The following SDCBP2 variants were observed in gnomAD, a reference collection of about 807,000 sequenced individuals.
The protein encoded by SDCBP2 is syntenin-2.
Under a neutral mutation model 30.7 loss-of-function variants are expected in SDCBP2, and 28 were observed. The ratio of observed to expected loss-of-function variants is 0.91; its 90% CI spans 0.68 to 1.25. The LOEUF (loss-of-function observed/expected upper bound fraction) is 1.25, where lower values mean the gene tolerates loss of function less well. SDCBP2 is among the 50% of genes most tolerant of loss of function. The pLI is 0.00. For synonymous variants in SDCBP2, 166 were observed against 157.3 expected, an observed-to-expected ratio of 1.06 and a Z score of -0.41; for missense variants, 399 against 379.0, an observed-to-expected ratio of 1.05 and a Z score of -0.44.
intron 7 of SDCBP2, 22 bp from the exon 8 acceptor site, chr20:1,310,913 G>C: frequency 6.3e-7 from 1 of 1,589,954 alleles, no homozygotes; most frequent in African/African-American, 1.3e-5. Flanking sequence ...GCAAGTAAGC[G>C]ATCACCCTAA....
At chr20:1,315,419 C>T (rs6041353) in intron 4 of SDCBP2, among the ~76,000 whole-genome samples, 63,593 of 151,718 alleles carry the variant, frequency 0.42, 14,218 homozygotes, top group East Asian at 0.63. Flanking sequence ...GTCCCAGATA[C>T]GCAGGAGGCT....
chr20:1,319,988 G>T (rs2088830957), intron 2 of SDCBP2, among the ~76,000 whole-genome samples: 1 of 152,204 alleles, frequency 6.6e-6, no homozygotes, highest in African/African-American at 2.4e-5. Flanking sequence ...GAACCACAGA[G>T]TGCTGGGATG....
intron 7 of SDCBP2, among the ~76,000 whole-genome samples, chr20:1,312,003 A>G (rs1284599725): frequency 1.3e-5 from 2 of 149,486 alleles, no homozygotes; most frequent in African/African-American, 5.0e-5. Flanking sequence ...AGGCTCAATT[A>G]GTCCTCCCAC....
rs1050850844 is a variant in SDCBP2 at position 1,313,729 on chromosome 20, G to A, written c.226-231C>T. The stretch of plus-strand genomic sequence containing the variant: ...AAAGCCAGGAAAACGGGGAGGGAAG[G>A]GGCGAGGATACAGGAAGAGGCCCTT... On this transcript the variant is annotated intron_variant, in intron 4 of 8. Coordinates refer to ENST00000360779, the MANE Select transcript of SDCBP2 (RefSeq NM_080489.5). This position sits in a 1 kb window ranked among gnomAD's most constrained non-coding sequence, Gnocchi z 5.2. 2 of 1,202,780 alleles carry A rather than the reference G, an allele frequency of 1.7e-6. No individual in the cohort carries two copies. Among genetic ancestry groups the A allele is most frequent in the Non-Finnish European group, 2.2e-6 (2 of 928,570 alleles). The allele number at this position is 1,202,780 out of a possible 1,614,324, so 74.5% of individuals were successfully genotyped here. A position where few individuals can be genotyped will look rare whatever the true frequency, so the allele number is the denominator to read the frequency against.
At chr20:1,317,908 T>A (rs769331027) in intron 4 of SDCBP2, 1 of 343,180 alleles carries the variant, frequency 2.9e-6, no homozygotes, top group Non-Finnish European at 5.7e-6. Flanking sequence ...CCCGAAGCCA[T>A]GGAAAGCAGG....
rs117212620 is a variant in SDCBP2, at chr20:1,322,635, G to A, written c.-19-2200C>T. On this transcript the variant is annotated intron_variant, in intron 1 of 8. Transcript: ENST00000360779. The stretch of plus-strand genomic sequence containing the variant: ...TGCCAAAGCTGGAGTACAGTGGCGC[G>A]ATCTTGGCTCACTGCAATCTCCAAC... 3.5e-3 allele frequency: 528 copies of A among 152,270 alleles called. 1 individual carries two copies. The highest frequency in any genetic ancestry group is 6.2e-3 in the Non-Finnish European group (424 of 68,032). 9.4% of individuals were successfully genotyped at this position (152,270 alleles called of 1,614,324 possible).
At chr20:1,310,715 C>T in intron 8 of SDCBP2, 85 bp downstream of exon 8, 2 of 1,258,798 alleles carry the variant, frequency 1.6e-6, no homozygotes, top group Non-Finnish European at 2.3e-6. Context: ...GTGGAAGTGG[C>T]TGAGCCAGGT....
intron 4 of SDCBP2, among the ~76,000 whole-genome samples, chr20:1,315,006 C>T (rs2088755086): frequency 6.6e-6 from 1 of 152,096 alleles, no homozygotes; most frequent in South Asian, 2.1e-4. Flanking sequence ...GAAGGTTAGT[C>T]TAAACTTTAT....
Position 1,320,155 on chromosome 20 carries a change from C to T in SDCBP2, c.54+208G>A, listed in dbSNP as rs2088832650. ...ACAGAGCAGGCATGAGAGAGGCATG[C>T]GTGCGCTGCTTGGTCTTTTCTATTC... On this transcript the variant is annotated intron_variant, in intron 2 of 8. Coordinates refer to ENST00000360779, the MANE Select transcript of SDCBP2 (RefSeq NM_080489.5). This position sits in a 1 kb window ranked among gnomAD's most constrained non-coding sequence, Gnocchi z 4.7. Among the ~76,000 whole-genome samples the T allele has an allele frequency of 6.6e-6, 1 of 152,198 alleles. No individual in the cohort carries two copies. The highest frequency in any genetic ancestry group is 1.5e-5 in the Non-Finnish European group (1 of 68,024).
chr20:1,322,570 T>TTTATTA (rs759324184), intron 1 of SDCBP2: 1 of 151,982 alleles, frequency 6.6e-6, no homozygotes, highest in Non-Finnish European at 1.5e-5. Context: ...ACAGTCCTGT[T>TTTATTA]TTATTATTAT....
Position 1,312,772 on chromosome 20 carries a change from G to T in SDCBP2, c.385-10C>A. ...ACTGCACAAAGAGCCCCTGGGGGAGGCAGGGCCCCAGAGTCAGTGTCCCTG... is the reference window on the plus strand; with the variant it reads ...ACTGCACAAAGAGCCCCTGGGGGAGTCAGGGCCCCAGAGTCAGTGTCCCTG... On this transcript the variant is annotated splice_polypyrimidine_tract_variant and intron_variant, in intron 5 of 8. Transcript: ENST00000360779. 2.5e-6 allele frequency: 4 copies of T among 1,604,658 alleles called. No individual in the cohort carries two copies. Among genetic ancestry groups the T allele is most frequent in the Non-Finnish European group, 3.4e-6 (4 of 1,175,648 alleles).
rs1237473798 is a variant in SDCBP2 at position 1,318,380 on chromosome 20, C to T, written c.163G>A (p.Gly55Ser). The change falls in exon 4 of 9, where the codon GGT becomes AGT. Residue 55 changes from glycine (G) to serine (S), a missense_variant. By Grantham distance (56) the Gly-to-Ser change is moderately conservative (BLOSUM62 0). Coordinates refer to ENST00000360779, the MANE Select transcript of SDCBP2 (RefSeq NM_080489.5). ...PNLAELENYM[G>S]LSLSSQEVQE... ...ACTTCTTGGCTGGAGAGGGAAAGAC[C>T]CATATAATTTTCCAGTTCTGCCAAG... 3 of 1,607,212 alleles carry T rather than the reference C, an allele frequency of 1.9e-6. No homozygotes were observed. The South Asian group carries it at 3.3e-5, about 18-fold the overall frequency.
At chr20:1,318,526 G>C in intron 3 of SDCBP2, 108 bp from the exon 4 acceptor site, 1 of 662,298 alleles carries the variant, frequency 1.5e-6, no homozygotes, top group African/African-American at 1.8e-5. Flanking sequence ...ATGGAGCCTG[G>C]GAATGGTATT....
chr20:1,313,196 G>C lies in SDCBP2; in HGVS notation c.384+144C>G. The C allele has an allele frequency of 1.2e-6, 1 of 854,934 alleles. No homozygotes were observed. Among genetic ancestry groups the C allele is most frequent in the South Asian group, 1.6e-5 (1 of 61,102 alleles). 53.0% of individuals were successfully genotyped at this position (854,934 alleles called of 1,614,324 possible). A position where few individuals can be genotyped will look rare whatever the true frequency, so the allele number is the denominator to read the frequency against. On this transcript the variant is annotated intron_variant, in intron 5 of 8. Transcript: ENST00000360779. The surrounding 1 kb of genome is among the most constrained non-coding windows in gnomAD (Gnocchi z 5.2). The stretch of plus-strand genomic sequence containing the variant: ...CCCCGCCCGGGTCTCGGGGAGGAGG[G>C]ACTGGGGGCAAGAGCCTGGCCGCTG...
chr20:1,313,397 G>T lies in SDCBP2; in HGVS notation c.327C>A (p.Ile109=), dbSNP rs1417214361. Residue 109 remains isoleucine, a synonymous_variant, in exon 5 of 9, where the codon ATC becomes ATA. Transcript: ENST00000360779. The surrounding 1 kb of genome is among the most constrained non-coding windows in gnomAD (Gnocchi z 5.2). ...RAEIKPGVRE[I]HLCKDERGKT... Reference sequence around the variant, plus strand: ...TGCCGCGCTCGTCCTTGCACAGGTGGATCTCGCGCACCCCGGGCTTGATCT... The same window carrying T: ...TGCCGCGCTCGTCCTTGCACAGGTGTATCTCGCGCACCCCGGGCTTGATCT... 1.2e-6 allele frequency: 2 copies of T among 1,609,948 alleles called. No individual in the cohort carries two copies. Among genetic ancestry groups the T allele is most frequent in the Admixed American group, 3.3e-5 (2 of 59,818 alleles).
At chr20:1,317,379 C>T (rs1214809256) in intron 4 of SDCBP2, among the ~76,000 whole-genome samples, 2 of 152,164 alleles carry the variant, frequency 1.3e-5, no homozygotes, top group Non-Finnish European at 2.9e-5. Flanking sequence ...AGTTAAAAGA[C>T]ATACAAAATT....
intron 1 of SDCBP2, among the ~76,000 whole-genome samples, chr20:1,326,648 A>G (rs2088932101): frequency 6.6e-6 from 1 of 152,160 alleles, no homozygotes; most frequent in African/African-American, 2.4e-5. Flanking sequence ...AGACGACAGC[A>G]TTTCTTGTAT....
intron 1 of SDCBP2, among the ~76,000 whole-genome samples, chr20:1,326,572 C>G (rs1568566171): frequency 6.6e-6 from 1 of 152,212 alleles, no homozygotes; most frequent in African/African-American, 2.4e-5. Flanking sequence ...GTTGTGAACT[C>G]TTTTTCCTCC....
intron 4 of SDCBP2, 36 bp downstream of exon 4, chr20:1,318,282 T>A (rs769264351): frequency 3.5e-6 from 5 of 1,417,784 alleles, no homozygotes; most frequent in Non-Finnish European, 5.0e-6. Context: ...GATTGGGAGG[T>A]TCTGCGCCCG....
Sources: gnomAD v4.1 joint callset for allele counts (sites outside exome capture counted in the v4.1 genomes callset) on GRCh38, gnomAD v4.1.1 for gene constraint, Gnocchi (gnomAD v3.1) non-coding constraint, MANE v1.5 for transcripts, NCBI Gene and HGNC (gene_info 2026-07-23, HGNC 2026-07-21) for gene names.